USE1: variants seen among roughly 807,000 people sequenced by gnomAD.
USE1 encodes the protein unconventional SNARE in the ER 1, also known as vesicle transport protein USE1.
USE1 carries 32 observed loss-of-function variants against 37.6 expected under a neutral mutation model. That is an observed-to-expected ratio of 0.85 (90% CI 0.64 to 1.14). The LOEUF (loss-of-function observed/expected upper bound fraction) is 1.14. USE1 is among the 50% of genes most tolerant of loss of function. The probability of loss-of-function intolerance (pLI) is 0.00; values close to 1 mark genes in which losing one functional copy is unlikely to be tolerated. For synonymous variants in USE1, 149 were observed against 137.6 expected (o/e 1.08, Z -0.58); for missense variants, 310 against 332.2 (o/e 0.93, Z 0.52).
intron 4 of USE1, among the ~76,000 whole-genome samples, chr19:17,216,582 T>C (rs2073291997): frequency 1.3e-5 from 2 of 152,196 alleles, no homozygotes. Context: ...AGGGTTTGAG[T>C]CCTGGCTTGC....
chr19:17,216,370 G>T, intron 4 of USE1, 49 bp downstream of exon 4: 1 of 1,589,344 alleles, frequency 6.3e-7, no homozygotes. Flanking sequence ...AGGAATAGGG[G>T]TTCTATGCTT....
intron 5 of USE1, chr19:17,218,135 G>C (rs1469629612): frequency 8.8e-5 from 49 of 554,454 alleles, no homozygotes; most frequent in Non-Finnish European, 1.5e-4. Context: ...CCAGCCTATG[G>C]GACCAAGGCT....
chr19:17,217,859 C>G (rs1434898824), intron 5 of USE1: 2 of 368,814 alleles, frequency 5.4e-6, no homozygotes, highest in Non-Finnish European at 1.1e-5. Flanking sequence ...TTGCAATGAG[C>G]TGAGATCACA....
At chr19:17,217,796 C>T in intron 5 of USE1, 2 of 405,440 alleles carry the variant, frequency 4.9e-6, no homozygotes, top group Non-Finnish European at 9.8e-6. Context: ...TCTGTAGTCC[C>T]AGCTACTCGG....
chr19:17,217,420 A>G, intron 4 of USE1, 33 bp from the exon 5 acceptor site: 1 of 1,608,382 alleles, frequency 6.2e-7, no homozygotes, highest in Non-Finnish European at 8.5e-7. Context: ...GAGCCACTGC[A>G]CCCAGCCTCA....
intron 6 of USE1, 160 bp downstream of exon 6, chr19:17,218,551 C>A (rs1413493474): frequency 3.5e-6 from 3 of 860,686 alleles, no homozygotes; most frequent in East Asian, 2.9e-5. Context: ...AAAGGCCAGG[C>A]GCAGTGGCTC....
At chr19:17,217,302 CTT>C in intron 4 of USE1, 149 bp from the exon 5 acceptor site, 1 of 855,582 alleles carries the variant, frequency 1.2e-6, no homozygotes, top group Non-Finnish European at 1.8e-6. Context: ...ACCTGGCTAA[CTT>C]TTTGTATTTT....
chr19:17,217,547 C>T (rs568329440), intron 5 of USE1, 85 bp downstream of exon 5: 36 of 1,549,826 alleles, frequency 2.3e-5, no homozygotes, highest in South Asian at 1.8e-4. Context: ...GCCTCCATGC[C>T]GAGACTCCAT....
At chr19:17,215,714 C>T (rs1219858959) in intron 1 of USE1, 88 bp from the exon 2 acceptor site, 1 of 1,240,310 alleles carries the variant, frequency 8.1e-7, no homozygotes, top group Admixed American at 2.0e-5. Flanking sequence ...TACGCTTGAC[C>T]CCTCCCATTT....
chr19:17,215,773 C>A, intron 1 of USE1, 29 bp from the exon 2 acceptor site: 1 of 1,601,932 alleles, frequency 6.2e-7, no homozygotes, highest in South Asian at 1.1e-5. Context: ...GGAAAGACCC[C>A]CGGGTGACAA....
intron 6 of USE1, 62 bp from the exon 7 acceptor site, chr19:17,219,146 ATGTGT>A (rs2073309085): frequency 1.3e-6 from 2 of 1,522,176 alleles, no homozygotes; most frequent in Non-Finnish European, 1.8e-6. Flanking sequence ...AAAAAAGAAA[ATGTGT>A]TGGTCTTCTC....
rs1001887853 is a variant in USE1, at chr19:17,215,560, T to C, written c.102+53T>C. 1.1e-5 allele frequency: 17 copies of C among 1,539,464 alleles called. No individual in the cohort carries two copies. The African/African-American group carries it at 2.3e-4, about 21-fold the overall frequency. On this transcript the variant is annotated intron_variant, in intron 1 of 7. Coordinates refer to ENST00000263897, the MANE Select transcript of USE1 (RefSeq NM_018467.4). ...AGCCCGACTCCCGGGGGGTGATTCC[T>C]AGGGTTGGAAGCCACCTGGCCCGAC... is the stretch of plus-strand genomic sequence containing the variant.
At chr19:17,217,715 C>A in intron 5 of USE1, 1 of 530,690 alleles carries the variant, frequency 1.9e-6, no homozygotes, top group Non-Finnish European at 3.6e-6. Context: ...AGTTTGAGAC[C>A]AACCTGGCCA....
At position 17,219,653 on chromosome 19, in the gene USE1, T is replaced by C. The variant is rs1460836916; in HGVS notation, c.620T>C (p.Met207Thr). ...CAGACCCTGTCACACTCACTGAAAA[T>C]GGCGGACCAGAACCTGGAGAAACTG... ...DNQTLSHSLKMADQNLEKLKT... is the reference protein window; with the variant it reads ...DNQTLSHSLKTADQNLEKLKT... The change falls in exon 8 of 8, where the codon ATG (methionine) becomes ACG (threonine). Residue 207 changes from methionine (M) to threonine (T), a missense_variant. Coordinates refer to ENST00000263897, the MANE Select transcript of USE1 (RefSeq NM_018467.4). The C allele has an allele frequency of 1.2e-6, 2 of 1,608,094 alleles. No homozygotes were observed. Among genetic ancestry groups the C allele is most frequent in the African/African-American group, 2.7e-5 (2 of 74,800 alleles).
chr19:17,215,587 C>T, intron 1 of USE1, 80 bp downstream of exon 1: 2 of 1,493,404 alleles, frequency 1.3e-6, no homozygotes, highest in Non-Finnish European at 1.8e-6. Flanking sequence ...TGGCCCGACT[C>T]CCCGGCCCCA....
intron 5 of USE1, chr19:17,218,116 TAGGCACTCCC>T: frequency 2.0e-6 from 1 of 507,656 alleles, no homozygotes; most frequent in Non-Finnish European, 3.5e-6. Context: ...TTTTTAAAGC[TAGGCACTCCC>T]AGCCTATGGG....
intron 4 of USE1, among the ~76,000 whole-genome samples, chr19:17,216,718 G>A (rs1163324482): frequency 5.9e-5 from 9 of 152,152 alleles, no homozygotes; most frequent in East Asian, 3.8e-4. Flanking sequence ...GGCAGCTCAC[G>A]CCTGTAATCC....
intron 1 of USE1, 68 bp downstream of exon 1, chr19:17,215,575 C>T: frequency 6.6e-7 from 1 of 1,515,920 alleles, no homozygotes; most frequent in Non-Finnish European, 8.9e-7. Context: ...TTGGAAGCCA[C>T]CTGGCCCGAC....
chr19:17,219,602 T>C, intron 7 of USE1, 29 bp from the exon 8 acceptor site: 1 of 1,576,674 alleles, frequency 6.3e-7, no homozygotes, highest in Non-Finnish European at 8.6e-7. Context: ...GCCCCAGTCC[T>C]GTTGACACCT....
Sources: allele counts gnomAD v4.1 joint callset (sites outside exome capture counted in the v4.1 genomes callset), GRCh38; gene constraint gnomAD v4.1.1; transcripts MANE v1.5; gene names NCBI Gene and HGNC (gene_info 2026-07-23, HGNC 2026-07-21).